Variants in ADAMTSL3 observed in about 807,000 individuals in gnomAD.
ADAMTSL3 encodes the protein ADAMTS-like protein 3.
ADAMTSL3 carries 128 observed loss-of-function variants against 201.7 expected under a neutral mutation model. The ratio of observed to expected loss-of-function variants is 0.63; its 90% confidence interval spans 0.55 to 0.73. The LOEUF is 0.73. Among genes scored for constraint, ADAMTSL3 ranks in the 30% least tolerant of loss-of-function variants. The pLI is 0.00. For missense variants in ADAMTSL3, 1,990 were observed against 2,119.6 expected, an observed-to-expected ratio of 0.94 and a Z score of 1.20; for synonymous variants, 738 against 748.4, an observed-to-expected ratio of 0.99 and a Z score of 0.23.
At chr15:83,991,063 T>C in intron 22 of ADAMTSL3, 23 bp from the exon 23 acceptor site, 1 of 1,613,936 alleles carries the variant, frequency 6.2e-7, no homozygotes, top group Non-Finnish European at 8.5e-7. Flanking sequence ...CCTAACATAG[T>C]TTCCTGCTCC....
At chr15:83,851,054 G>A (rs1258954159) in intron 7 of ADAMTSL3, among the ~76,000 whole-genome samples, 1 of 152,206 alleles carries the variant, frequency 6.6e-6, no homozygotes, top group African/African-American at 2.4e-5. Flanking sequence ...TAAACTGCTG[G>A]ATCTGAATTT....
chr15:83,660,424 C>T (rs1157346507), intron 2 of ADAMTSL3, among the ~76,000 whole-genome samples: 1 of 152,088 alleles, frequency 6.6e-6, no homozygotes, highest in Non-Finnish European at 1.5e-5. Context: ...TCAAGGTAGC[C>T]CTGACTCTGA....
At chr15:83,850,146 G>A (rs1248891061) in intron 7 of ADAMTSL3, among the ~76,000 whole-genome samples, 2 of 151,574 alleles carry the variant, frequency 1.3e-5, no homozygotes, top group Admixed American at 6.6e-5. Context: ...AAGAGACCTC[G>A]CCCTGCAGCT....
chr15:83,820,055 C>T lies in ADAMTSL3; in HGVS notation c.600+8C>T. 1 of 1,600,974 alleles carries T rather than the reference C, an allele frequency of 6.2e-7. No individual in the cohort carries two copies. ...ATCAGTGGCATCTGTCAGGTAAGCA[C>T]ACTTACCTCCCAATCCCCTGCTTTG... On this transcript the variant is annotated splice_region_variant and intron_variant, in intron 6 of 29. Coordinates refer to ENST00000286744, the MANE Select transcript of ADAMTSL3 (RefSeq NM_207517.3).
chr15:83,961,479 T>C (rs975162770), intron 19 of ADAMTSL3: 3 of 152,208 alleles, frequency 2.0e-5, no homozygotes, highest in African/African-American at 7.2e-5. Context: ...CATGCGCCAC[T>C]AAGCCTGTGT....
intron 3 of ADAMTSL3, among the ~76,000 whole-genome samples, chr15:83,706,219 A>C (rs1335634367): frequency 6.6e-6 from 1 of 152,214 alleles, no homozygotes; most frequent in African/African-American, 2.4e-5. Flanking sequence ...TATGCATTTT[A>C]TAATTAAAGA....
chr15:83,679,903 G>C (rs528644633), intron 2 of ADAMTSL3, among the ~76,000 whole-genome samples: 9 of 152,118 alleles, frequency 5.9e-5, no homozygotes, highest in Non-Finnish European at 1.2e-4. Context: ...TTATTACCAG[G>C]ATTAAGGTGG....
At chr15:83,939,423 G>A (rs1596443458) in intron 17 of ADAMTSL3, among the ~76,000 whole-genome samples, 1 of 151,974 alleles carries the variant, frequency 6.6e-6, no homozygotes, top group African/African-American at 2.4e-5. Context: ...TGTTAGTTTT[G>A]ATAAGTTGGT....
chr15:83,702,126 C>A (rs2141495337), intron 2 of ADAMTSL3, among the ~76,000 whole-genome samples: 1 of 152,250 alleles, frequency 6.6e-6, no homozygotes, highest in African/African-American at 2.4e-5. Context: ...TGGCATTTTG[C>A]CCCTGCCCTA....
At chr15:83,924,798 CTTA>C (rs1027696041) in intron 17 of ADAMTSL3, among the ~76,000 whole-genome samples, 3 of 152,138 alleles carry the variant, frequency 2.0e-5, no homozygotes, top group African/African-American at 7.2e-5. Flanking sequence ...CTCCTTTACC[CTTA>C]TTATCTTGTG....
At position 83,970,494 on chromosome 15, in the gene ADAMTSL3, G is replaced by C; in HGVS notation, c.2501G>C (p.Ser834Thr). 1 of 1,614,174 alleles carries C rather than the reference G, an allele frequency of 6.2e-7. No homozygotes were observed. The highest frequency in any genetic ancestry group is 8.5e-7 in the Non-Finnish European group (1 of 1,180,022). The change falls in exon 20 of 30, where the codon AGT (serine) becomes ACT (threonine). Residue 834 changes from serine to threonine, a missense_variant. Coordinates refer to ENST00000286744, the MANE Select transcript of ADAMTSL3 (RefSeq NM_207517.3). ...CAACTCTCATTTCAGTGTTCTGTCAGTTGTGGTGTTGGAATCCAGAGAAGA... is the reference window on the plus strand; with the variant it reads ...CAACTCTCATTTCAGTGTTCTGTCACTTGTGGTGTTGGAATCCAGAGAAGA... ...AVGDWSKCSV[S>T]CGVGIQRRKQ...
chr15:83,897,074 G>C (rs1596372318), intron 13 of ADAMTSL3, among the ~76,000 whole-genome samples: 1 of 152,096 alleles, frequency 6.6e-6, no homozygotes, highest in East Asian at 1.9e-4. Flanking sequence ...GGATTATGGG[G>C]ATTACAATTC....
chr15:84,016,656 T>A (rs760598845), intron 25 of ADAMTSL3, among the ~76,000 whole-genome samples, 157 bp downstream of exon 25: 2 of 152,190 alleles, frequency 1.3e-5, no homozygotes, highest in African/African-American at 2.4e-5. Context: ...CTTTAGTGGT[T>A]CAACTTATTC....
chr15:83,884,325 G>C (rs2065343522), intron 9 of ADAMTSL3, among the ~76,000 whole-genome samples: 1 of 146,806 alleles, frequency 6.8e-6, no homozygotes, highest in Non-Finnish European at 1.5e-5. Flanking sequence ...TTACCTCATT[G>C]GTGCCCTATT....
At chr15:83,922,924 T>C (rs987273611) in intron 16 of ADAMTSL3, among the ~76,000 whole-genome samples, 3 of 152,190 alleles carry the variant, frequency 2.0e-5, no homozygotes, top group African/African-American at 7.2e-5. Flanking sequence ...CTATTACAGT[T>C]TGTTTGTGAC....
chr15:83,883,724 G>A (rs1189894284), intron 9 of ADAMTSL3, among the ~76,000 whole-genome samples: 2 of 151,396 alleles, frequency 1.3e-5, no homozygotes, highest in African/African-American at 2.4e-5. Context: ...ACCACACCTG[G>A]CTAATTTTAA....
intron 9 of ADAMTSL3, among the ~76,000 whole-genome samples, chr15:83,878,191 C>T (rs1342431113): frequency 6.6e-6 from 1 of 152,162 alleles, no homozygotes; most frequent in Non-Finnish European, 1.5e-5. Flanking sequence ...TTTTCTGCAT[C>T]TTTAGAGATG....
At chr15:83,926,737 T>C (rs2066253508) in intron 17 of ADAMTSL3, among the ~76,000 whole-genome samples, 1 of 151,844 alleles carries the variant, frequency 6.6e-6, no homozygotes, top group South Asian at 2.1e-4. Context: ...TGCCTCAGCC[T>C]CCTGAGTAGC....
intron 2 of ADAMTSL3, among the ~76,000 whole-genome samples, chr15:83,657,119 C>T (rs1412862519): frequency 3.9e-5 from 6 of 152,196 alleles, no homozygotes; most frequent in African/African-American, 1.2e-4. Flanking sequence ...GAGGTAAAAG[C>T]GTGGAGACTT....
Sources: gnomAD v4.1 joint callset for allele counts (sites outside exome capture counted in the v4.1 genomes callset) on GRCh38, gnomAD v4.1.1 for gene constraint, MANE v1.5 for transcripts, NCBI Gene and HGNC (gene_info 2026-07-23, HGNC 2026-07-21) for gene names.